The following TTC29 variants were observed in gnomAD, a reference collection of about 807,000 sequenced individuals.
TTC29 encodes the protein tetratricopeptide repeat protein 29.
In TTC29, 49 loss-of-function variants were observed where a neutral mutation model predicts 58.1. That is an observed-to-expected ratio of 0.84 (90% CI 0.67 to 1.07). The LOEUF is 1.07. Among genes scored for constraint, TTC29 ranks in the 50% least tolerant of loss-of-function variants. The pLI, the probability that TTC29 is intolerant of heterozygous loss-of-function variation, is 0.00. For missense variants in TTC29, 582 were observed against 555.6 expected, an observed-to-expected ratio of 1.05 and a Z score of -0.48; for synonymous variants, 209 against 196.8, an observed-to-expected ratio of 1.06 and a Z score of -0.52.
At chr4:146,857,397 C>A (rs1167118378) in intron 8 of TTC29, among the ~76,000 whole-genome samples, 1 of 151,974 alleles carries the variant, frequency 6.6e-6, no homozygotes, top group African/African-American at 2.4e-5. Context: ...AAAGAGACTG[C>A]CTGAGGTGGG....
chr4:146,712,933 C>T (rs1166346104), intron 11 of TTC29, among the ~76,000 whole-genome samples: 1 of 152,010 alleles, frequency 6.6e-6, no homozygotes, highest in African/African-American at 2.4e-5. Flanking sequence ...CAGAAAGGAG[C>T]TGAAGAAGTG....
At chr4:146,753,573 T>C (rs978712037) in intron 11 of TTC29, among the ~76,000 whole-genome samples, 1 of 152,230 alleles carries the variant, frequency 6.6e-6, no homozygotes, top group Non-Finnish European at 1.5e-5. Context: ...CAAAGGATTA[T>C]AAATCATGCT....
chr4:146,821,552 C>A (rs1751827772), intron 9 of TTC29, among the ~76,000 whole-genome samples: 1 of 152,080 alleles, frequency 6.6e-6, no homozygotes, highest in Admixed American at 6.6e-5. Flanking sequence ...GTTACATATC[C>A]TCACAAAATG....
chr4:146,757,461 A>G (rs538126688), intron 11 of TTC29, among the ~76,000 whole-genome samples: 4 of 152,326 alleles, frequency 2.6e-5, no homozygotes, highest in African/African-American at 9.6e-5. Flanking sequence ...CAAGAAGCAC[A>G]AAGAACACCT....
chr4:146,828,378 T>G (rs535912395), intron 9 of TTC29, among the ~76,000 whole-genome samples: 1 of 152,068 alleles, frequency 6.6e-6, no homozygotes, highest in Admixed American at 6.6e-5. Flanking sequence ...TTCTATCAAA[T>G]TGTTAATTTT....
rs534414721 is a variant in TTC29, at chr4:146,746,256, A to G, written c.1331-38705T>C. Among the ~76,000 whole-genome samples, 7 of 152,374 alleles carry G rather than the reference A, an allele frequency of 4.6e-5. No homozygotes were observed. In the East Asian group the frequency reaches 1.2e-3, roughly 25 times the overall value. On this transcript the variant is annotated intron_variant, in intron 11 of 12. Transcript: ENST00000325106. ...AGGGCATGGTTACATGAAGTGAGCA[A>G]CAAGTCAGCACTTGCTTCTCTGAAC...
chr4:146,869,868 G>A (rs914094509), intron 7 of TTC29, among the ~76,000 whole-genome samples: 3 of 152,082 alleles, frequency 2.0e-5, no homozygotes, highest in Non-Finnish European at 2.9e-5. Context: ...TAACATAACA[G>A]AGAAAAATGT....
At chr4:146,892,307 C>G (rs751460052) in intron 6 of TTC29, among the ~76,000 whole-genome samples, 4 of 152,136 alleles carry the variant, frequency 2.6e-5, no homozygotes, top group Non-Finnish European at 4.4e-5. Flanking sequence ...CCTATACAGT[C>G]TGTGGAACTG....
chr4:146,917,978 T>TAGATAGGC (rs1734349950), intron 4 of TTC29, among the ~76,000 whole-genome samples: 1 of 150,588 alleles, frequency 6.6e-6, no homozygotes, highest in Non-Finnish European at 1.5e-5. Flanking sequence ...TGATTTAGAC[T>TAGATAGGC]CAATTTAGGT....
At chr4:146,943,525 CTT>C (rs750627227) in intron 2 of TTC29, among the ~76,000 whole-genome samples, 5 of 151,786 alleles carry the variant, frequency 3.3e-5, no homozygotes, top group African/African-American at 7.3e-5. Context: ...CAGGCTTTCT[CTT>C]TGTTTCTGAA....
At chr4:146,903,096 G>A (rs1733263774) in intron 6 of TTC29, among the ~76,000 whole-genome samples, 1 of 152,066 alleles carries the variant, frequency 6.6e-6, no homozygotes, top group Non-Finnish European at 1.5e-5. Flanking sequence ...ACATTATTAA[G>A]TATGAAGTTA....
At chr4:146,894,076 TTGG>T (rs1732581656) in intron 6 of TTC29, among the ~76,000 whole-genome samples, 1 of 152,174 alleles carries the variant, frequency 6.6e-6, no homozygotes, top group Non-Finnish European at 1.5e-5. Flanking sequence ...TTTTACACTG[TTGG>T]TGGGACTGTA....
intron 8 of TTC29, among the ~76,000 whole-genome samples, chr4:146,837,154 T>C (rs1013560153): frequency 3.3e-5 from 5 of 152,138 alleles, no homozygotes; most frequent in African/African-American, 1.2e-4. Flanking sequence ...CATAGAATAC[T>C]ATGCAGCCAT....
At chr4:146,711,140 T>A (rs185525913) in intron 11 of TTC29, among the ~76,000 whole-genome samples, 1 of 152,252 alleles carries the variant, frequency 6.6e-6, no homozygotes, top group Non-Finnish European at 1.5e-5. Flanking sequence ...AAAGGTTGTG[T>A]CAGAGTTTAT....
intron 11 of TTC29, among the ~76,000 whole-genome samples, chr4:146,735,627 A>G (rs1251027143): frequency 1.3e-5 from 2 of 152,158 alleles, no homozygotes; most frequent in African/African-American, 4.8e-5. Context: ...CCTAGATGAG[A>G]CAGCTGATAT....
At chr4:146,851,958 C>T (rs917590211) in intron 8 of TTC29, among the ~76,000 whole-genome samples, 6 of 152,166 alleles carry the variant, frequency 3.9e-5, no homozygotes, top group Non-Finnish European at 7.3e-5. Context: ...TTTTTTGAGA[C>T]GGAGTCTCAC....
chr4:146,752,316 A>C, intron 11 of TTC29, among the ~76,000 whole-genome samples: 1 of 107,078 alleles, frequency 9.3e-6, no homozygotes, highest in Non-Finnish European at 1.8e-5. Context: ...TCCCATTCAC[A>C]ATTGCTTCAA....
chr4:146,833,793 T>A lies in TTC29; in HGVS notation c.977+13A>T, dbSNP rs1011426278. The stretch of plus-strand genomic sequence containing the variant: ...ATTCACAGTGACAGCAAGATGAGAA[T>A]GTGCTAACTTACCTCTGCAGGACCT... On this transcript the variant is annotated intron_variant, in intron 9 of 12. Coordinates refer to ENST00000325106, the MANE Select transcript of TTC29 (RefSeq NM_031956.4). 2.3e-5 allele frequency: 37 copies of A among 1,602,910 alleles called. No individual in the cohort carries two copies. Among genetic ancestry groups the A allele is most frequent in the Non-Finnish European group, 3.0e-5 (35 of 1,170,380 alleles).
At chr4:146,851,011 CAT>C (rs1197789069) in intron 8 of TTC29, among the ~76,000 whole-genome samples, 2 of 152,074 alleles carry the variant, frequency 1.3e-5, no homozygotes, top group Non-Finnish European at 2.9e-5. Context: ...GCTGTATTAA[CAT>C]ATATCATCTT....
Sources: gnomAD v4.1 joint callset for allele counts (sites outside exome capture counted in the v4.1 genomes callset) on GRCh38, gnomAD v4.1.1 for gene constraint, MANE v1.5 for transcripts, NCBI Gene and HGNC (gene_info 2026-07-23, HGNC 2026-07-21) for gene names.